Variants in FARP1 observed in about 807,000 individuals in gnomAD.
FARP1 encodes FERM, ARHGEF and pleckstrin domain-containing protein 1.
A neutral mutation model predicts 128.8 loss-of-function variants in FARP1; 52 were observed. The ratio of observed to expected loss-of-function variants is 0.40; its 90% CI spans 0.32 to 0.51. The LOEUF is 0.51. Ranked by LOEUF, FARP1 falls within the 20% of genes least tolerant of loss-of-function variation. The pLI is 0.45. For synonymous variants in FARP1, 580 were observed against 551.8 expected, an observed-to-expected ratio of 1.05 and a Z score of -0.72; for missense variants, 1,333 against 1,367.9, an observed-to-expected ratio of 0.97 and a Z score of 0.40.
rs145990715 is a variant in FARP1 at position 98,322,869 on chromosome 13, G to C, written c.172-20893G>C. On this transcript the variant is annotated intron_variant, in intron 2 of 26. Coordinates refer to ENST00000319562, the MANE Select transcript of FARP1 (RefSeq NM_005766.4). The stretch of plus-strand genomic sequence containing the variant: ...CATACATGCATGTCAGCCACACACA[G>C]ATGATTTGCCTAGAAATTTGTTTCT... Among the ~76,000 whole-genome samples the C allele has an allele frequency of 2.8e-4, 43 of 152,310 alleles. 1 individual carries two copies. The East Asian group carries it at 7.7e-3, about 27-fold the overall frequency.
At chr13:98,319,433 A>G (rs1886892611) in intron 2 of FARP1, among the ~76,000 whole-genome samples, 1 of 152,202 alleles carries the variant, frequency 6.6e-6, no homozygotes. Context: ...ATCCTCGCTA[A>G]CATGGTGAAA....
intron 1 of FARP1, among the ~76,000 whole-genome samples, chr13:98,194,265 T>C (rs1315161875): frequency 6.6e-6 from 1 of 152,046 alleles, no homozygotes; most frequent in East Asian, 1.9e-4. Context: ...TACAGGCGCC[T>C]GCTACCATGC....
rs1219670818 is a variant in FARP1, at chr13:98,452,583, C to A, written c.*4266C>A. 6.6e-6 allele frequency: 1 copy of A among 152,642 alleles called. No homozygotes were observed. The highest frequency in any genetic ancestry group is 1.5e-5 in the Non-Finnish European group (1 of 68,068). The allele number at this position is 152,642 out of a possible 1,614,324, so 9.5% of individuals were successfully genotyped here. On this transcript the variant is annotated 3_prime_UTR_variant, in exon 27 of 27. Coordinates refer to ENST00000319562, the MANE Select transcript of FARP1 (RefSeq NM_005766.4). ...AACCCAAATCACTGGTCACAGAATT[C>A]AAAATGTACATGTAATAAAGGCAAG...
chr13:98,307,151 C>T (rs1886201764), intron 2 of FARP1, among the ~76,000 whole-genome samples: 1 of 152,178 alleles, frequency 6.6e-6, no homozygotes, highest in Admixed American at 6.5e-5. Context: ...TTCATTCTGG[C>T]TTTATGATTC....
intron 23 of FARP1, 118 bp from the exon 24 acceptor site, chr13:98,440,552 T>C (rs1892481843): frequency 9.6e-7 from 1 of 1,036,658 alleles, no homozygotes. Context: ...TAGATTCTGG[T>C]TGGGCACCAC....
At chr13:98,156,367 CG>C (rs1241176352) in intron 1 of FARP1, among the ~76,000 whole-genome samples, 1 of 152,182 alleles carries the variant, frequency 6.6e-6, no homozygotes, top group African/African-American at 2.4e-5. Flanking sequence ...GTTATAATAA[CG>C]TTCTTTTTAG....
intron 2 of FARP1, among the ~76,000 whole-genome samples, chr13:98,284,928 C>T (rs888142556): frequency 5.9e-5 from 9 of 152,166 alleles, no homozygotes; most frequent in African/African-American, 1.9e-4. Context: ...GGGAAAATGT[C>T]ACTCCTGTTA....
intron 6 of FARP1, among the ~76,000 whole-genome samples, chr13:98,381,311 A>G (rs1018287795): frequency 9.2e-5 from 14 of 152,166 alleles, no homozygotes; most frequent in African/African-American, 3.1e-4. Context: ...GGGTCAAGTC[A>G]TCTCCCTTTG....
chr13:98,266,657 G>A (rs1481760987), intron 2 of FARP1, among the ~76,000 whole-genome samples: 5 of 152,022 alleles, frequency 3.3e-5, no homozygotes, highest in African/African-American at 9.7e-5. Context: ...AGATTAAAGA[G>A]GAAAAAACAA....
chr13:98,166,724 CTTTT>C (rs60609331), intron 1 of FARP1, among the ~76,000 whole-genome samples: 1 of 137,128 alleles, frequency 7.3e-6, no homozygotes, highest in Admixed American at 7.3e-5. Flanking sequence ...GTTTTTCTTT[CTTTT>C]TTTTTTTTTT....
chr13:98,338,985 A>G (rs1421289543), intron 2 of FARP1: 3 of 152,194 alleles, frequency 2.0e-5, no homozygotes, highest in East Asian at 3.9e-4. Context: ...ACACACTTAG[A>G]TAGTTCAGGA....
At chr13:98,227,450 T>TA (rs1881859886) in intron 2 of FARP1, among the ~76,000 whole-genome samples, 2 of 129,048 alleles carry the variant, frequency 1.5e-5, no homozygotes, top group Non-Finnish European at 3.4e-5. Flanking sequence ...ATGGCTACTA[T>TA]TAAAAAAAAA....
intron 2 of FARP1, among the ~76,000 whole-genome samples, chr13:98,283,630 A>G (rs1885039305): frequency 6.6e-6 from 1 of 151,968 alleles, no homozygotes; most frequent in East Asian, 2.0e-4. Flanking sequence ...TATTTTTAAG[A>G]TATTTGTTCT....
rs1594503090 is a variant in FARP1, at chr13:98,409,457, T to G, written c.1534T>G (p.Leu512Val). ...LSPDTKQASP[L>V]ISPLLNDQAC... ...CCCCGACACCAAGCAGGCCTCTCCC[T>G]TGATCAGCCCGCTGCTGAATGACCA... The change falls in exon 14 of 27, where the codon TTG becomes GTG. Residue 512 changes from leucine to valine, a missense_variant. Transcript: ENST00000319562. 1 of 1,614,070 alleles carries G rather than the reference T, an allele frequency of 6.2e-7. No individual in the cohort carries two copies. Among genetic ancestry groups the G allele is most frequent in the East Asian group, 2.2e-5 (1 of 44,880 alleles).
chr13:98,356,228 G>A (rs1888632427), intron 3 of FARP1, among the ~76,000 whole-genome samples: 1 of 152,058 alleles, frequency 6.6e-6, no homozygotes, highest in Admixed American at 6.6e-5. Flanking sequence ...GTCACTTAAC[G>A]ATGGCTATAT....
At chr13:98,232,147 T>TG (rs1457431602) in intron 2 of FARP1, among the ~76,000 whole-genome samples, 3 of 133,654 alleles carry the variant, frequency 2.2e-5, no homozygotes, top group African/African-American at 1.0e-4. Context: ...TTTGGTTGGT[T>TG]TTTTTTTTTT....
intron 17 of FARP1, among the ~76,000 whole-genome samples, chr13:98,425,770 TATTAA>T (rs1185326414): frequency 6.6e-6 from 1 of 152,218 alleles, no homozygotes; most frequent in Non-Finnish European, 1.5e-5. Flanking sequence ...AGTCAATAAA[TATTAA>T]ATTAATACTC....
At chr13:98,420,381 G>T (rs1360417938) in intron 16 of FARP1, among the ~76,000 whole-genome samples, 3 of 152,162 alleles carry the variant, frequency 2.0e-5, no homozygotes. Context: ...CTGTTGGTCA[G>T]CCGCCCACCC....
rs549825718 is a variant in FARP1 at position 98,448,100 on chromosome 13, C to A, written c.3057-136C>A. On this transcript the variant is annotated intron_variant, in intron 26 of 26. Coordinates refer to ENST00000319562, the MANE Select transcript of FARP1 (RefSeq NM_005766.4). ...GGAACGCCTGGGTGCTGGCTGTTCC[C>A]TTGCTCTTCTGCTGAAGTGGCAGAT... The A allele has an allele frequency of 6.9e-6, 5 of 724,790 alleles. No homozygotes were observed. The East Asian group carries it at 1.3e-4, about 19-fold the overall frequency. 44.9% of individuals were successfully genotyped at this position (724,790 alleles called of 1,614,324 possible).
Sources: allele counts gnomAD v4.1 joint callset (sites outside exome capture counted in the v4.1 genomes callset), GRCh38; gene constraint gnomAD v4.1.1; transcripts MANE v1.5; gene names NCBI Gene and HGNC (gene_info 2026-07-23, HGNC 2026-07-21).